Variants in CNNM3 observed in about 807,000 individuals in gnomAD.
The protein encoded by CNNM3 is metal transporter CNNM3.
Under a neutral mutation model 57.1 loss-of-function variants are expected in CNNM3, and 47 were observed. That is an observed-to-expected ratio of 0.82 (90% CI 0.65 to 1.05). The LOEUF is 1.05. Ranked by LOEUF, CNNM3 falls within the 50% of genes least tolerant of loss-of-function variation. The probability of loss-of-function intolerance (pLI) is 0.00; values close to 1 mark genes in which losing one functional copy is unlikely to be tolerated. For synonymous variants in CNNM3, 507 were observed against 478.2 expected (o/e 1.06, Z -0.79); for missense variants, 957 against 973.7 (o/e 0.98, Z 0.23).
At chr2:96,822,011 T>TATTA (rs1349087712) in intron 1 of CNNM3, among the ~76,000 whole-genome samples, 16 of 139,642 alleles carry the variant, frequency 1.1e-4, no homozygotes, top group African/African-American at 4.1e-4. Flanking sequence ...TATTATTTTT[T>TATTA]TTTTTTTTTT....
At position 96,816,858 on chromosome 2, in the gene CNNM3, C is replaced by A. The variant is rs1437458093; in HGVS notation, c.581C>A (p.Ala194Asp). Residue 194 changes from alanine (A) to aspartate (D), a missense_variant, in exon 1 of 8, where the codon GCC becomes GAC. Physicochemically the swap from Ala to Asp is moderately radical, Grantham distance 126 (BLOSUM62 -2). Around this residue, in one of 2 missense-constraint regions of CNNM3, gnomAD observed 466 missense variants for 403.1 expected, o/e 1.16. Transcript: ENST00000305510. The stretch of plus-strand genomic sequence containing the variant: ...CCCGCGCGGCGCTGGGCCGGCTGCG[C>A]CTTGGGCGCGCTGCTGCTGCTGGCC... ...LEPARRWAGC[A>D]LGALLLLASL... is the part of the protein sequence containing the mutation. 5 of 1,074,514 alleles carry A rather than the reference C, an allele frequency of 4.7e-6. No individual in the cohort carries two copies. The highest frequency in any genetic ancestry group is 1.7e-5 in the African/African-American group (1 of 58,660). 66.6% of individuals were successfully genotyped at this position (1,074,514 alleles called of 1,614,324 possible).
chr2:96,817,194 A>G lies in CNNM3; in HGVS notation c.917A>G (p.Lys306Arg), dbSNP rs1299059972. ...GGCGACCCCTACAGCGATCTCAGCA[A>G]GGGCGTGCTGCGCTGCCGGACCGTG... ...GGGDPYSDLSKGVLRCRTVED... is the reference protein window; with the variant it reads ...GGGDPYSDLSRGVLRCRTVED... Residue 306 changes from lysine to arginine, a missense_variant, in exon 1 of 8, where the codon AAG becomes AGG. Lys to Arg is a conservative substitution (Grantham distance 26). Around this residue, in one of 2 missense-constraint regions of CNNM3, gnomAD observed 491 missense variants for 570.6 expected, o/e 0.86. Coordinates refer to ENST00000305510, the MANE Select transcript of CNNM3 (RefSeq NM_017623.5). The G allele has an allele frequency of 1.3e-6, 2 of 1,584,482 alleles. No individual in the cohort carries two copies. Among genetic ancestry groups the G allele is most frequent in the Non-Finnish European group, 8.6e-7 (1 of 1,168,814 alleles).
intron 1 of CNNM3, among the ~76,000 whole-genome samples, chr2:96,823,260 C>T (rs1218126621): frequency 6.6e-6 from 1 of 152,196 alleles, no homozygotes; most frequent in Admixed American, 6.5e-5. Flanking sequence ...GAGTCCCTTT[C>T]TGTAGGAAAC....
rs561574742 is a variant in CNNM3 at position 96,834,509 on chromosome 2, T to C, written c.*1893T>C. Among the ~76,000 whole-genome samples the C allele has an allele frequency of 1.3e-5, 2 of 151,866 alleles. No homozygotes were observed. Among genetic ancestry groups the C allele is most frequent in the Non-Finnish European group, 2.9e-5 (2 of 67,970 alleles). On this transcript the variant is annotated 3_prime_UTR_variant, in exon 8 of 8. Coordinates refer to ENST00000305510, the MANE Select transcript of CNNM3 (RefSeq NM_017623.5). ...ACAGGTAGGCACCACCACACCCAGC[T>C]AATACTTTTAATTTTTTTTTGTAGA...
intron 7 of CNNM3, among the ~76,000 whole-genome samples, chr2:96,829,676 C>T (rs1234962162): frequency 1.3e-5 from 2 of 151,632 alleles, no homozygotes; most frequent in Non-Finnish European, 2.9e-5. Flanking sequence ...TGGATGACAC[C>T]AAACTATAGA....
At position 96,826,825 on chromosome 2, in the gene CNNM3, C is replaced by A. The variant is rs1437987503; in HGVS notation, c.1370-8C>A. On this transcript the variant is annotated splice_region_variant and splice_polypyrimidine_tract_variant and intron_variant, in intron 2 of 7. Transcript: ENST00000305510. ...GATGCCTGAGCGCGCCCTCTTCTTCCATCTTAGGAGACACCGTGGTGAAGA... is the reference window on the plus strand; with the variant it reads ...GATGCCTGAGCGCGCCCTCTTCTTCAATCTTAGGAGACACCGTGGTGAAGA... The A allele has an allele frequency of 8.7e-6, 14 of 1,613,920 alleles. No homozygotes were observed. The highest frequency in any genetic ancestry group is 1.2e-5 in the Non-Finnish European group (14 of 1,179,988).
chr2:96,834,317 A>G lies in CNNM3; in HGVS notation c.*1701A>G, dbSNP rs1244931450. On this transcript the variant is annotated 3_prime_UTR_variant, in exon 8 of 8. Coordinates refer to ENST00000305510, the MANE Select transcript of CNNM3 (RefSeq NM_017623.5). ...AATCAGAGTCGGCATCAGAGTTTTC[A>G]ATTTTTTATTTATTTATTATTATTA... Among the ~76,000 whole-genome samples, 1 of 148,180 alleles carries G rather than the reference A, an allele frequency of 6.7e-6. No homozygotes were observed. Among genetic ancestry groups the G allele is most frequent in the Non-Finnish European group, 1.5e-5 (1 of 67,734 alleles).
rs1474522076 is a variant in CNNM3, at chr2:96,829,089, G to A, written c.2014G>A (p.Gly672Ser). ...PENTDLQVIP[G>S]SQTRLLGEKT... Reference sequence around the variant, plus strand: ...GAACACCGACCTGCAGGTTATTCCAGGCAGCCAGACCAGGCTCCTTGGTGA... The same window carrying A: ...GAACACCGACCTGCAGGTTATTCCAAGCAGCCAGACCAGGCTCCTTGGTGA... The change falls in exon 7 of 8, where the codon GGC (glycine) becomes AGC (serine). Residue 672 changes from glycine (G) to serine (S), a missense_variant. Around this residue, in one of 2 missense-constraint regions of CNNM3, gnomAD observed 491 missense variants for 570.6 expected, o/e 0.86. Coordinates refer to ENST00000305510, the MANE Select transcript of CNNM3 (RefSeq NM_017623.5). 1.2e-6 allele frequency: 2 copies of A among 1,613,994 alleles called. No homozygotes were observed. The highest frequency in any genetic ancestry group is 1.7e-6 in the Non-Finnish European group (2 of 1,180,002).
chr2:96,822,013 T>A (rs1438846852), intron 1 of CNNM3, among the ~76,000 whole-genome samples: 8 of 150,352 alleles, frequency 5.3e-5, no homozygotes, highest in African/African-American at 1.9e-4. Flanking sequence ...TTATTTTTTT[T>A]TTTTTTTTGA....
chr2:96,816,286 G>C lies in CNNM3; in HGVS notation c.9G>C (p.Ala3=), dbSNP rs745774159. Residue 3 remains alanine, a synonymous_variant, in exon 1 of 8, where the codon GCG becomes GCC. Coordinates refer to ENST00000305510, the MANE Select transcript of CNNM3 (RefSeq NM_017623.5). The stretch of plus-strand genomic sequence containing the variant: ...AGAGGGGGCAGCAGGCGATGGCGGC[G>C]GCGGTAGCTGCGGCGGGTCGGTTAG... The part of the protein sequence containing the change: MA[A]AVAAAGRLGW... 2 of 1,304,532 alleles carry C rather than the reference G, an allele frequency of 1.5e-6. No individual in the cohort carries two copies. Among genetic ancestry groups the C allele is most frequent in the Non-Finnish European group, 1.9e-6 (2 of 1,028,432 alleles). 80.8% of individuals were successfully genotyped at this position (1,304,532 alleles called of 1,614,324 possible).
Position 96,829,071 on chromosome 2 carries a change from G to A in CNNM3, c.1996G>A (p.Asp666Asn), listed in dbSNP as rs142499606. The A allele has an allele frequency of 8.7e-6, 14 of 1,613,886 alleles. No individual in the cohort carries two copies. Among genetic ancestry groups the A allele is most frequent in the Non-Finnish European group, 1.1e-5 (13 of 1,180,004 alleles). Residue 666 changes from aspartate to asparagine, a missense_variant, in exon 7 of 8, where the codon GAC becomes AAC. Asp to Asn is a conservative substitution (Grantham distance 23, BLOSUM62 1). This residue lies in a region of CNNM3 where 491 missense variants were observed against 570.6 expected (regional missense o/e 0.86). Transcript: ENST00000305510. ...QNLPQSPENT[D>N]LQVIPGSQTR... ...CCTGCCACAGTCCCCTGAGAACACCGACCTGCAGGTTATTCCAGGCAGCCA... is the reference window on the plus strand; with the variant it reads ...CCTGCCACAGTCCCCTGAGAACACCAACCTGCAGGTTATTCCAGGCAGCCA...
rs1189292162 is a variant in CNNM3 at position 96,826,936 on chromosome 2, A to G, written c.1473A>G (p.Thr491=). 1 of 1,614,022 alleles carries G rather than the reference A, an allele frequency of 6.2e-7. No individual in the cohort carries two copies. The highest frequency in any genetic ancestry group is 1.7e-5 in the Admixed American group (1 of 60,006). The part of the protein sequence containing the change: ...FKVSDDEYKV[T]ISPQLLLATQ... ...TGTCTGATGATGAATATAAAGTAAC[A>G]ATCTCGCCTCAGCTGCTCTTGGCCA... Residue 491 remains threonine (T), a synonymous_variant, in exon 3 of 8, where the codon ACA becomes ACG. Transcript: ENST00000305510.
At chr2:96,825,880 G>A (rs1330791505) in intron 2 of CNNM3, among the ~76,000 whole-genome samples, 1 of 146,222 alleles carries the variant, frequency 6.8e-6, no homozygotes, top group Non-Finnish European at 1.5e-5. Context: ...CAGCCTGAGA[G>A]ACTGGAGGGG....
chr2:96,828,943 C>G, intron 6 of CNNM3, 53 bp from the exon 7 acceptor site: 1 of 1,601,972 alleles, frequency 6.2e-7, no homozygotes, highest in Non-Finnish European at 8.5e-7. Flanking sequence ...TTCCTGCCTA[C>G]CTTCTGCATC....
intron 2 of CNNM3, among the ~76,000 whole-genome samples, chr2:96,825,963 A>G (rs2079495489): frequency 6.6e-6 from 1 of 152,206 alleles, no homozygotes; most frequent in African/African-American, 2.4e-5. Context: ...GCCTGTTAGC[A>G]TGGTGGCTGA....
chr2:96,836,312 G>A (rs968602360), downstream of CNNM3, among the ~76,000 whole-genome samples: 4 of 149,320 alleles, frequency 2.7e-5, 1 homozygote, highest in Non-Finnish European at 4.4e-5. Flanking sequence ...GCGTGGTCTC[G>A]GCTCACTGCA....
Position 96,825,022 on chromosome 2 carries a change from C to T in CNNM3, c.1226-36C>T, listed in dbSNP as rs759164005. On this transcript the variant is annotated intron_variant, in intron 1 of 7. Transcript: ENST00000305510. ...GGAGATGAATCAAACTGGGGGGGGC[C>T]CAGCAAGCTGTTCCATGAGTGTCCT... The T allele has an allele frequency of 2.5e-6, 4 of 1,609,680 alleles. No individual in the cohort carries two copies. In the Admixed American group the frequency reaches 6.7e-5, roughly 27 times the overall value.
chr2:96,824,551 ATTTAC>A (rs869263516), intron 1 of CNNM3: 5 of 162,350 alleles, frequency 3.1e-5, no homozygotes, highest in Non-Finnish European at 6.8e-5. Context: ...CAGCATATAT[ATTTAC>A]TTTAAGAAGA....
rs148656873 is a variant in CNNM3 at position 96,820,095 on chromosome 2, C to T, written c.1225+2593C>T. On this transcript the variant is annotated intron_variant, in intron 1 of 7. Coordinates refer to ENST00000305510, the MANE Select transcript of CNNM3 (RefSeq NM_017623.5). Reference sequence around the variant, plus strand: ...CAAGCAGCAGCATCAGTTATTTTTACAGATCAGTAACAATTGTGGACACCA... The same window carrying T: ...CAAGCAGCAGCATCAGTTATTTTTATAGATCAGTAACAATTGTGGACACCA... 1.6e-3 allele frequency among the ~76,000 whole-genome samples: 246 copies of T among 152,270 alleles called. 2 individuals carry two copies. The highest frequency in any genetic ancestry group is 3.1e-3 in the South Asian group (15 of 4,832).
Sources: gnomAD v4.1 joint callset for allele counts (sites outside exome capture counted in the v4.1 genomes callset) on GRCh38, gnomAD v4.1.1 for gene constraint, gnomAD v4.1.1 regional missense constraint, MANE v1.5 for transcripts, NCBI Gene and HGNC (gene_info 2026-07-23, HGNC 2026-07-21) for gene names.